TMEM135: variants seen among roughly 807,000 people sequenced by gnomAD.
TMEM135 encodes transmembrane protein 135, also known as peroxisomal membrane protein 52.
Under a neutral mutation model 60.3 loss-of-function variants are expected in TMEM135, and 30 were observed. The ratio of observed to expected loss-of-function variants is 0.50; its 90% confidence interval spans 0.37 to 0.68. The LOEUF is 0.68. Among genes scored for constraint, TMEM135 ranks in the 30% least tolerant of loss-of-function variants. The pLI, the probability that TMEM135 is intolerant of heterozygous loss-of-function variation, is 0.00. For missense variants in TMEM135, 468 were observed against 548.8 expected, an observed-to-expected ratio of 0.85 and a Z score of 1.47; for synonymous variants, 190 against 186.7, an observed-to-expected ratio of 1.02 and a Z score of -0.14.
At chr11:87,137,886 T>C (rs1938147373) in intron 4 of TMEM135, among the ~76,000 whole-genome samples, 1 of 152,090 alleles carries the variant, frequency 6.6e-6, no homozygotes, top group South Asian at 2.1e-4. Flanking sequence ...AGATGACTGC[T>C]CTCAATTTGG....
At chr11:87,043,129 A>G (rs1949765420) in intron 1 of TMEM135, among the ~76,000 whole-genome samples, 1 of 150,836 alleles carries the variant, frequency 6.6e-6, no homozygotes. Flanking sequence ...CTAATTTTGT[A>G]TTTTTAGTAG....
intron 3 of TMEM135, among the ~76,000 whole-genome samples, chr11:87,089,343 G>A (rs1033431501): frequency 9.9e-5 from 15 of 152,090 alleles, no homozygotes; most frequent in Admixed American, 6.6e-5. Context: ...GAACCAGCTT[G>A]GACAGCATAG....
chr11:87,314,869 A>C (rs1021776725), intron 12 of TMEM135, among the ~76,000 whole-genome samples: 36 of 151,976 alleles, frequency 2.4e-4, no homozygotes, highest in Non-Finnish European at 4.6e-4. Context: ...CAGACACTAT[A>C]TAATTTCATC....
At position 87,134,580 on chromosome 11, in the gene TMEM135, C is replaced by G. The variant is rs547817471; in HGVS notation, c.397-22761C>G. Reference sequence around the variant, plus strand: ...TCACTGCAATGCAAACTCCTGGGCTCAGATGATCCTTTCACCTCAGACTCC... The same window carrying G: ...TCACTGCAATGCAAACTCCTGGGCTGAGATGATCCTTTCACCTCAGACTCC... On this transcript the variant is annotated intron_variant, in intron 4 of 14. Coordinates refer to ENST00000305494, the MANE Select transcript of TMEM135 (RefSeq NM_022918.4). Among the ~76,000 whole-genome samples the G allele has an allele frequency of 1.1e-3, 163 of 152,336 alleles. 2 individuals carry two copies. Among genetic ancestry groups the G allele is most frequent in the African/African-American group, 3.8e-3 (157 of 41,574 alleles).
chr11:87,181,104 C>T (rs1254390208), intron 5 of TMEM135, among the ~76,000 whole-genome samples: 1 of 151,992 alleles, frequency 6.6e-6, no homozygotes, highest in Admixed American at 6.6e-5. Flanking sequence ...AAGTTCTCAG[C>T]AAGGAAAGTA....
chr11:87,046,102 A>G (rs762584021), intron 1 of TMEM135, among the ~76,000 whole-genome samples: 15 of 152,186 alleles, frequency 9.9e-5, no homozygotes, highest in Non-Finnish European at 1.5e-4. Flanking sequence ...ATATATAACT[A>G]TTAGATTAAC....
At chr11:87,177,739 A>G (rs539704465) in intron 5 of TMEM135, among the ~76,000 whole-genome samples, 36 of 152,180 alleles carry the variant, frequency 2.4e-4, no homozygotes, top group African/African-American at 7.2e-4. Flanking sequence ...CTGCCCATCA[A>G]TTAGTATCAG....
intron 6 of TMEM135, chr11:87,277,265 G>A: frequency 2.6e-6 from 1 of 383,540 alleles, no homozygotes; most frequent in Non-Finnish European, 5.3e-6. Flanking sequence ...CTGAGTAGCT[G>A]GGATTACAGA....
chr11:87,190,586 G>C, intron 5 of TMEM135, among the ~76,000 whole-genome samples: 1 of 152,086 alleles, frequency 6.6e-6, no homozygotes, highest in East Asian at 1.9e-4. Context: ...AAACTTTAAA[G>C]TGCTAGGTAA....
chr11:87,167,226 A>G (rs1337612931), intron 5 of TMEM135, among the ~76,000 whole-genome samples: 1 of 152,152 alleles, frequency 6.6e-6, no homozygotes, highest in African/African-American at 2.4e-5. Context: ...GGGGTTTTCT[A>G]AATATACAAT....
Position 87,322,664 on chromosome 11 carries a change from A to C in TMEM135, c.*1331A>C. The stretch of plus-strand genomic sequence containing the variant: ...AATTATGCAGTAGAACTTGTGTTGC[A>C]AAAGGAATTATAACCCATACTTTAA... On this transcript the variant is annotated 3_prime_UTR_variant, in exon 15 of 15. Coordinates refer to ENST00000305494, the MANE Select transcript of TMEM135 (RefSeq NM_022918.4). 2.2e-6 allele frequency: 1 copy of C among 453,996 alleles called. No individual in the cohort carries two copies. The highest frequency in any genetic ancestry group is 4.4e-6 in the Non-Finnish European group (1 of 226,716). 28.1% of individuals were successfully genotyped at this position (453,996 alleles called of 1,614,324 possible).
At chr11:87,110,817 A>G (rs1857725043) in intron 4 of TMEM135, among the ~76,000 whole-genome samples, 1 of 152,088 alleles carries the variant, frequency 6.6e-6, no homozygotes. Flanking sequence ...TTCAGGGTCA[A>G]TAAAAAATTG....
intron 5 of TMEM135, among the ~76,000 whole-genome samples, chr11:87,167,017 T>C (rs1488091981): frequency 6.6e-6 from 1 of 152,188 alleles, no homozygotes; most frequent in East Asian, 1.9e-4. Context: ...GAAGAGGTCC[T>C]TCTTATCCCT....
chr11:87,262,639 A>G (rs1361233106), intron 6 of TMEM135, among the ~76,000 whole-genome samples: 1 of 152,180 alleles, frequency 6.6e-6, no homozygotes, highest in Non-Finnish European at 1.5e-5. Flanking sequence ...ACACAACCAT[A>G]AAATCTGAGT....
At position 87,324,830 on chromosome 11, in the gene TMEM135, AT is replaced by A. The variant is rs1362709606; in HGVS notation, c.*3498del. On this transcript the variant is annotated 3_prime_UTR_variant, in exon 15 of 15. Transcript: ENST00000305494. ...TATACATTTCTTACTAAGATATCTT[AT>A]AAACATTCTCTCTCCTAACACCTCC... 8.8e-6 allele frequency: 4 copies of A among 453,938 alleles called. No individual in the cohort carries two copies. In the Admixed American group the frequency reaches 9.4e-5, roughly 11 times the overall value. 28.1% of individuals were successfully genotyped at this position (453,938 alleles called of 1,614,324 possible). A position where few individuals can be genotyped will look rare whatever the true frequency, so the allele number is the denominator to read the frequency against.
chr11:87,225,182 A>G (rs149115532), intron 5 of TMEM135, among the ~76,000 whole-genome samples: 13 of 152,284 alleles, frequency 8.5e-5, no homozygotes, highest in African/African-American at 1.4e-4. Flanking sequence ...TGGGATTTTT[A>G]AAAGTACTTG....
intron 6 of TMEM135, among the ~76,000 whole-genome samples, chr11:87,242,584 G>C (rs200613869): frequency 0.03 from 3,356 of 112,568 alleles, 213 homozygotes; most frequent in East Asian, 0.11. Flanking sequence ...GTTTTGATTT[G>C]CATTTCTCTG....
Position 87,324,823 on chromosome 11 carries a change from A to G in TMEM135, c.*3490A>G, listed in dbSNP as rs1425505755. 13 of 453,944 alleles carry G rather than the reference A, an allele frequency of 2.9e-5. No homozygotes were observed. In the East Asian group the frequency reaches 7.0e-4, roughly 24 times the overall value. The allele number at this position is 453,944 out of a possible 1,614,324, so 28.1% of individuals were successfully genotyped here. A position where few individuals can be genotyped will look rare whatever the true frequency, so the allele number is the denominator to read the frequency against. ...GCAAAAGTATACATTTCTTACTAAG[A>G]TATCTTATAAACATTCTCTCTCCTA... On this transcript the variant is annotated 3_prime_UTR_variant, in exon 15 of 15. Coordinates refer to ENST00000305494, the MANE Select transcript of TMEM135 (RefSeq NM_022918.4).
At chr11:87,276,799 G>T (rs1369808415) in intron 6 of TMEM135, among the ~76,000 whole-genome samples, 1 of 150,544 alleles carries the variant, frequency 6.6e-6, no homozygotes, top group Non-Finnish European at 1.5e-5. Context: ...CTCCCAAGTA[G>T]TGGGGATTAC....
Sources: gnomAD v4.1 joint callset for allele counts (sites outside exome capture counted in the v4.1 genomes callset) on GRCh38, gnomAD v4.1.1 for gene constraint, MANE v1.5 for transcripts, NCBI Gene and HGNC (gene_info 2026-07-23, HGNC 2026-07-21) for gene names.